The following DOP1A variants were observed in gnomAD, a reference collection of about 807,000 sequenced individuals.
DOP1A encodes the protein protein DOP1A.
Under a neutral mutation model 267.6 loss-of-function variants are expected in DOP1A, and 90 were observed. That is an observed-to-expected ratio of 0.34 (90% CI 0.28 to 0.40). The LOEUF is 0.40. DOP1A is among the 10% of genes least tolerant of loss of function. The probability of loss-of-function intolerance (pLI) is 1.00; values close to 1 mark genes in which losing one functional copy is unlikely to be tolerated. For missense variants in DOP1A, 2,437 were observed against 2,900.4 expected, an observed-to-expected ratio of 0.84 and a Z score of 3.67; for synonymous variants, 932 against 999.1, an observed-to-expected ratio of 0.93 and a Z score of 1.27.
At chr6:83,156,710 A>G (rs1415638357) in intron 34 of DOP1A, among the ~76,000 whole-genome samples, 1 of 152,240 alleles carries the variant, frequency 6.6e-6, no homozygotes, top group Non-Finnish European at 1.5e-5. Context: ...ACATGGGAAC[A>G]TGATAGTTGT....
intron 1 of DOP1A, among the ~76,000 whole-genome samples, chr6:83,077,977 T>C (rs1767420463): frequency 6.6e-6 from 1 of 152,198 alleles, no homozygotes; most frequent in South Asian, 2.1e-4. Context: ...ATTCTGAATA[T>C]TGAAAAAGAT....
At chr6:83,166,999 T>C (rs1404678044) in intron 38 of DOP1A, 7 of 985,754 alleles carry the variant, frequency 7.1e-6, no homozygotes, top group Non-Finnish European at 8.4e-6. Flanking sequence ...TGTTCTCTCT[T>C]ATCTTTCTCT....
At chr6:83,086,827 C>T (rs973668352) in intron 1 of DOP1A, among the ~76,000 whole-genome samples, 2 of 152,074 alleles carry the variant, frequency 1.3e-5, no homozygotes, top group Non-Finnish European at 2.9e-5. Flanking sequence ...AGAAATCTTT[C>T]AGGTTTTGCT....
At chr6:83,146,055 C>T (rs929879070) in intron 25 of DOP1A, among the ~76,000 whole-genome samples, 4 of 152,152 alleles carry the variant, frequency 2.6e-5, no homozygotes, top group African/African-American at 9.7e-5. Context: ...ATTCTGTGAA[C>T]TCCCCAAATT....
At chr6:83,157,384 G>A in intron 35 of DOP1A, 66 bp downstream of exon 35, 2 of 1,515,630 alleles carry the variant, frequency 1.3e-6, no homozygotes, top group Non-Finnish European at 1.8e-6. Flanking sequence ...GTTTCCATGT[G>A]CTTACTAGAT....
intron 1 of DOP1A, among the ~76,000 whole-genome samples, chr6:83,077,207 G>T (rs952495034): frequency 1.3e-5 from 2 of 152,196 alleles, no homozygotes; most frequent in African/African-American, 2.4e-5. Flanking sequence ...CAGTGGTTAA[G>T]ATGGTAAATT....
intron 25 of DOP1A, among the ~76,000 whole-genome samples, chr6:83,146,669 A>G (rs1780695469): frequency 6.6e-6 from 1 of 152,230 alleles, no homozygotes; most frequent in African/African-American, 2.4e-5. Flanking sequence ...AAAAAAGCAC[A>G]AATTGATAAA....
downstream of DOP1A, chr6:83,168,643 G>A (rs917884805): frequency 2.0e-6 from 2 of 996,614 alleles, no homozygotes; most frequent in Non-Finnish European, 2.4e-6. Flanking sequence ...AATAACTGAA[G>A]GCTGGACCAT....
At chr6:83,167,557 A>G in intron 38 of DOP1A, 14 of 1,063,238 alleles carry the variant, frequency 1.3e-5, no homozygotes, top group Non-Finnish European at 1.6e-5. Context: ...GAGTAAATAC[A>G]AAGCACAACA....
chr6:83,099,684 G>A (rs1772185590), intron 3 of DOP1A, among the ~76,000 whole-genome samples: 1 of 94,578 alleles, frequency 1.1e-5, no homozygotes, highest in African/African-American at 4.4e-5. Flanking sequence ...TTGCATATGT[G>A]TGTGTGTGTG....
At chr6:83,169,502 A>C (rs1562406043), downstream of DOP1A, 1 of 674,944 alleles carries the variant, frequency 1.5e-6, no homozygotes, top group Non-Finnish European at 2.4e-6. Flanking sequence ...GCCCTTAAAT[A>C]AACGGAAAAC....
chr6:83,155,506 C>T (rs1033357710), intron 33 of DOP1A, among the ~76,000 whole-genome samples: 7 of 151,828 alleles, frequency 4.6e-5, no homozygotes, highest in Admixed American at 3.9e-4. Context: ...GATGGGAGCA[C>T]GCTTGGTGCA....
At chr6:83,095,018 G>A (rs1009184949) in intron 1 of DOP1A, among the ~76,000 whole-genome samples, 3 of 151,958 alleles carry the variant, frequency 2.0e-5, no homozygotes, top group South Asian at 2.1e-4. Flanking sequence ...CTGCAGCCTC[G>A]GACTGCCGGG....
At chr6:83,117,147 T>TTATTA (rs1775582639) in intron 7 of DOP1A, among the ~76,000 whole-genome samples, 1 of 150,208 alleles carries the variant, frequency 6.7e-6, no homozygotes, top group Non-Finnish European at 1.5e-5. Flanking sequence ...TTATTTTATT[T>TTATTA]TATTTTATTT....
intron 3 of DOP1A, among the ~76,000 whole-genome samples, chr6:83,099,682 G>A (rs1772184517): frequency 1.1e-5 from 1 of 89,244 alleles, no homozygotes. Flanking sequence ...GATTGCATAT[G>A]TGTGTGTGTG....
intron 26 of DOP1A, among the ~76,000 whole-genome samples, chr6:83,148,392 C>T (rs1780956813): frequency 6.6e-6 from 1 of 151,480 alleles, no homozygotes; most frequent in African/African-American, 2.4e-5. Flanking sequence ...CCAGCCTGGG[C>T]AACAGAGTGA....
At chr6:83,129,836 C>T (rs1777749703) in intron 16 of DOP1A, among the ~76,000 whole-genome samples, 1 of 152,082 alleles carries the variant, frequency 6.6e-6, no homozygotes, top group South Asian at 2.1e-4. Flanking sequence ...TTTATATATA[C>T]ACACAAAGTG....
At position 83,168,436 on chromosome 6, in the gene DOP1A, A is replaced by C. The variant is rs1325048201; in HGVS notation, c.*269A>C. On this transcript the variant is annotated 3_prime_UTR_variant, in exon 39 of 39. Coordinates refer to ENST00000349129, the MANE Select transcript of DOP1A (RefSeq NM_015018.4). ...TGTTTTTATTGTCCTGAGTTGTCTT[A>C]AACCTGCAAAATATACACTACCCAT... 8.9e-7 allele frequency: 1 copy of C among 1,121,624 alleles called. No homozygotes were observed. Among genetic ancestry groups the C allele is most frequent in the African/African-American group, 1.6e-5 (1 of 61,318 alleles). The allele number at this position is 1,121,624 out of a possible 1,614,324, so 69.5% of individuals were successfully genotyped here.
intron 1 of DOP1A, among the ~76,000 whole-genome samples, chr6:83,082,024 G>A (rs1180093449): frequency 6.6e-6 from 1 of 152,038 alleles, no homozygotes; most frequent in African/African-American, 2.4e-5. Context: ...AAAGACAAAA[G>A]GTAAGTGTTA....
Sources: allele counts gnomAD v4.1 joint callset (sites outside exome capture counted in the v4.1 genomes callset), GRCh38; gene constraint gnomAD v4.1.1; transcripts MANE v1.5; gene names NCBI Gene and HGNC (gene_info 2026-07-23, HGNC 2026-07-21).